The following NTM variants were observed in gnomAD, a reference collection of about 807,000 sequenced individuals.
NTM encodes IgLON family member 2.
Under a neutral mutation model 42.1 loss-of-function variants are expected in NTM, and 13 were observed. The ratio of observed to expected loss-of-function variants is 0.31; its 90% CI spans 0.20 to 0.49. The LOEUF (loss-of-function observed/expected upper bound fraction) is 0.49, where lower values mean the gene tolerates loss of function less well. Among genes scored for constraint, NTM ranks in the 20% least tolerant of loss-of-function variants. The pLI, the probability that NTM is intolerant of heterozygous loss-of-function variation, is 0.99. For missense variants in NTM, 373 were observed against 452.8 expected (o/e 0.82, Z 1.60); for synonymous variants, 187 against 179.2 (o/e 1.04, Z -0.35).
intron 1 of NTM, among the ~76,000 whole-genome samples, chr11:131,545,878 C>G (rs779462848): frequency 3.3e-5 from 5 of 152,152 alleles, no homozygotes; most frequent in Admixed American, 1.3e-4. Flanking sequence ...ATTTGAATAT[C>G]CGAGCATTAT....
chr11:131,506,773 G>A (rs1017249921), intron 1 of NTM, among the ~76,000 whole-genome samples: 1 of 152,214 alleles, frequency 6.6e-6, no homozygotes, highest in African/African-American at 2.4e-5. Flanking sequence ...GGTTTTCCAA[G>A]GCCTCTGTCT....
At chr11:131,822,265 C>T (rs970778254) in intron 1 of NTM, among the ~76,000 whole-genome samples, 24 of 152,144 alleles carry the variant, frequency 1.6e-4, no homozygotes, top group Non-Finnish European at 5.9e-5. Flanking sequence ...ATCCTTTCTT[C>T]TTCATTCTCA....
chr11:131,811,367 T>A (rs1169432617), intron 1 of NTM, among the ~76,000 whole-genome samples: 1 of 152,198 alleles, frequency 6.6e-6, no homozygotes, highest in African/African-American at 2.4e-5. Context: ...TGTCAAGGCT[T>A]GAACCCAAGT....
At chr11:131,811,623 G>A (rs1327399567) in intron 1 of NTM, among the ~76,000 whole-genome samples, 1 of 151,986 alleles carries the variant, frequency 6.6e-6, no homozygotes, top group African/African-American at 2.4e-5. Context: ...TGTCAAATAT[G>A]TCATGATGTA....
At chr11:131,791,775 C>A (rs369929041) in intron 1 of NTM, among the ~76,000 whole-genome samples, 3 of 152,156 alleles carry the variant, frequency 2.0e-5, no homozygotes, top group African/African-American at 7.2e-5. Flanking sequence ...AATGAAGAGA[C>A]CCTTAGAAGA....
At chr11:131,541,518 A>G (rs925687945) in intron 1 of NTM, among the ~76,000 whole-genome samples, 11 of 152,184 alleles carry the variant, frequency 7.2e-5, no homozygotes, top group Admixed American at 7.2e-4. Flanking sequence ...TTTGTGAGCT[A>G]TGTAAAGTCA....
intron 1 of NTM, among the ~76,000 whole-genome samples, chr11:131,399,345 G>A (rs1944877097): frequency 6.6e-6 from 1 of 152,212 alleles, no homozygotes; most frequent in Non-Finnish European, 1.5e-5. Context: ...TAGTCCTGCA[G>A]TGAGATTAAT....
chr11:132,315,967 GC>G (rs2095418155), intron 7 of NTM, among the ~76,000 whole-genome samples: 1 of 151,966 alleles, frequency 6.6e-6, no homozygotes, highest in African/African-American at 2.4e-5. Flanking sequence ...GCGTCTGTCT[GC>G]ATGAACAGAG....
chr11:132,168,890 C>T (rs952613250), intron 3 of NTM, among the ~76,000 whole-genome samples: 5 of 152,160 alleles, frequency 3.3e-5, no homozygotes, highest in African/African-American at 7.2e-5. Flanking sequence ...CTTCACTTTA[C>T]ACATGTCTTA....
intron 2 of NTM, among the ~76,000 whole-genome samples, chr11:132,119,963 T>C (rs958430107): frequency 2.0e-5 from 3 of 152,148 alleles, no homozygotes; most frequent in African/African-American, 7.2e-5. Context: ...TATGTTCTGG[T>C]GTAAAAAGCC....
intron 1 of NTM, among the ~76,000 whole-genome samples, chr11:131,595,904 G>T (rs1339028641): frequency 6.6e-6 from 1 of 152,222 alleles, no homozygotes; most frequent in Non-Finnish European, 1.5e-5. Context: ...AGAAGCCAGG[G>T]GTTCTTGTCA....
At chr11:132,078,598 C>G (rs1372499988) in intron 2 of NTM, among the ~76,000 whole-genome samples, 2 of 152,168 alleles carry the variant, frequency 1.3e-5, no homozygotes, top group East Asian at 3.9e-4. Flanking sequence ...TTAAAGTAAG[C>G]CAGATAGAAA....
At chr11:131,911,238 G>A in intron 1 of NTM, 3 of 1,405,612 alleles carry the variant, frequency 2.1e-6, no homozygotes, top group Middle Eastern at 2.7e-4. Flanking sequence ...CGAGGAGGGA[G>A]CCCCCTTTGG....
chr11:131,689,941 G>A (rs1238113149), intron 1 of NTM, among the ~76,000 whole-genome samples: 1 of 152,224 alleles, frequency 6.6e-6, no homozygotes, highest in Non-Finnish European at 1.5e-5. Context: ...GTCCACATAT[G>A]ATGAAATTCT....
intron 4 of NTM, among the ~76,000 whole-genome samples, chr11:132,307,146 T>A (rs959294101): frequency 3.3e-5 from 5 of 152,334 alleles, no homozygotes; most frequent in African/African-American, 1.2e-4. Flanking sequence ...GCCTATCCAA[T>A]TAATTGTCTG....
At chr11:131,447,087 G>T (rs185741671) in intron 1 of NTM, among the ~76,000 whole-genome samples, 6 of 152,362 alleles carry the variant, frequency 3.9e-5, no homozygotes, top group African/African-American at 1.4e-4. Flanking sequence ...GGCTAAGGCT[G>T]CTGCTTATTA....
chr11:131,743,955 C>A (rs2081489845), intron 1 of NTM, among the ~76,000 whole-genome samples: 2 of 152,102 alleles, frequency 1.3e-5, no homozygotes, highest in Non-Finnish European at 2.9e-5. Context: ...TATTGTGATA[C>A]CAATAATCTA....
intron 2 of NTM, among the ~76,000 whole-genome samples, chr11:132,029,873 A>G (rs1397636090): frequency 6.6e-6 from 1 of 152,136 alleles, no homozygotes; most frequent in African/African-American, 2.4e-5. Flanking sequence ...GACCTTCATT[A>G]CCAGTCCTCG....
chr11:132,191,708 C>A (rs59703548), intron 3 of NTM, among the ~76,000 whole-genome samples: 8,964 of 152,118 alleles, frequency 0.059, 567 homozygotes, highest in African/African-American at 0.16. Flanking sequence ...AATAAAATTT[C>A]GGATCTGAGT....
Sources: gnomAD v4.1 joint callset for allele counts (sites outside exome capture counted in the v4.1 genomes callset) on GRCh38, gnomAD v4.1.1 for gene constraint, MANE v1.5 for transcripts, NCBI Gene and HGNC (gene_info 2026-07-23, HGNC 2026-07-21) for gene names.